CHN2: variants seen among roughly 807,000 people sequenced by gnomAD.
CHN2 encodes chimerin 2, also known as beta-chimaerin.
A neutral mutation model predicts 56.3 loss-of-function variants in CHN2; 35 were observed. That is an observed-to-expected ratio of 0.62 (90% CI 0.47 to 0.82). The LOEUF is 0.82. CHN2 is among the 40% of genes least tolerant of loss of function. The probability of loss-of-function intolerance (pLI) is 0.00; values close to 1 mark genes in which losing one functional copy is unlikely to be tolerated. For missense variants in CHN2, 491 were observed against 580.5 expected (o/e 0.85, Z 1.58); for synonymous variants, 210 against 212.8 (o/e 0.99, Z 0.12).
intron 6 of CHN2, among the ~76,000 whole-genome samples, chr7:29,432,400 A>G (rs894672209): frequency 1.3e-5 from 2 of 152,164 alleles, no homozygotes; most frequent in African/African-American, 4.8e-5. Context: ...ATTGTTTGCT[A>G]TTCTCTTCCT....
chr7:29,437,611 A>C, intron 6 of CHN2, among the ~76,000 whole-genome samples: 1 of 84,026 alleles, frequency 1.2e-5, no homozygotes. Flanking sequence ...AAAAAAAAAA[A>C]AAGATATCTA....
chr7:29,373,635 C>A (rs1369326171), intron 3 of CHN2, among the ~76,000 whole-genome samples: 1 of 152,150 alleles, frequency 6.6e-6, no homozygotes, highest in East Asian at 1.9e-4. Flanking sequence ...TTACTCTTTT[C>A]TATCTTTATT....
At chr7:29,252,996 C>T (rs245971) in intron 1 of CHN2, among the ~76,000 whole-genome samples, 20,248 of 152,114 alleles carry the variant, frequency 0.13, 3,211 homozygotes, top group African/African-American at 0.39. Context: ...TAAGTGGCTT[C>T]TCATGGGACA....
At chr7:29,378,693 C>T (rs1446201603) in intron 3 of CHN2, among the ~76,000 whole-genome samples, 10 of 152,194 alleles carry the variant, frequency 6.6e-5, no homozygotes, top group South Asian at 4.1e-4. Context: ...AGGCCACGCG[C>T]GGTGGCTCAT....
intron 1 of CHN2, among the ~76,000 whole-genome samples, chr7:29,227,881 C>G (rs926453542): frequency 2.0e-5 from 3 of 151,988 alleles, no homozygotes; most frequent in African/African-American, 4.8e-5. Context: ...AGTCCAAGTT[C>G]AAAAGAATTT....
At chr7:29,336,860 C>G (rs1376288334) in intron 1 of CHN2, among the ~76,000 whole-genome samples, 1 of 151,262 alleles carries the variant, frequency 6.6e-6, no homozygotes, top group Non-Finnish European at 1.5e-5. Context: ...AGCATTCCAC[C>G]TTTCTCTCCC....
chr7:29,250,708 CTTCTTTTT>C (rs1788431284), intron 1 of CHN2, among the ~76,000 whole-genome samples: 1 of 145,520 alleles, frequency 6.9e-6, no homozygotes, highest in Non-Finnish European at 1.5e-5. Flanking sequence ...ACCTGAACTT[CTTCTTTTT>C]TTTTTTTTTT....
intron 3 of CHN2, among the ~76,000 whole-genome samples, chr7:29,374,847 T>TCCTTCCTTCCTTCCTC (rs961509280): frequency 1.4e-5 from 2 of 145,442 alleles, no homozygotes; most frequent in Non-Finnish European, 3.0e-5. Flanking sequence ...CTTCCTTCCT[T>TCCTTCCTTCCTTCCTC]CCTGCCTCCC....
chr7:29,205,865 A>G (rs1434238730), intron 1 of CHN2, among the ~76,000 whole-genome samples: 5 of 152,182 alleles, frequency 3.3e-5, no homozygotes. Context: ...ATATACAAAA[A>G]AAATCAGTAA....
chr7:29,307,643 T>C (rs1018307189), intron 1 of CHN2, among the ~76,000 whole-genome samples: 24 of 152,154 alleles, frequency 1.6e-4, no homozygotes, highest in Middle Eastern at 3.2e-3. Context: ...AGAGAGTCAT[T>C]GAAGGATGCT....
At chr7:29,309,012 AGTTT>A (rs955710103) in intron 1 of CHN2, among the ~76,000 whole-genome samples, 2 of 152,172 alleles carry the variant, frequency 1.3e-5, no homozygotes, top group Non-Finnish European at 2.9e-5. Context: ...CACCAAGAAT[AGTTT>A]ATTAGTATGT....
intron 12 of CHN2, among the ~76,000 whole-genome samples, chr7:29,511,591 C>T (rs1333554053): frequency 2.0e-5 from 3 of 152,130 alleles, no homozygotes; most frequent in African/African-American, 7.2e-5. Flanking sequence ...TCTTCTTAGG[C>T]TTTGTGGCAT....
chr7:29,344,977 A>G (rs754250724), intron 1 of CHN2, among the ~76,000 whole-genome samples: 43 of 152,150 alleles, frequency 2.8e-4, no homozygotes, highest in Admixed American at 1.0e-3. Context: ...TTACTTGTCC[A>G]ACACTTTGAG....
chr7:29,374,198 T>C (rs1038367467), intron 3 of CHN2, among the ~76,000 whole-genome samples: 42 of 152,252 alleles, frequency 2.8e-4, no homozygotes, highest in African/African-American at 1.0e-3. Context: ...TTTCCCATCA[T>C]TATTCCTCCA....
intron 6 of CHN2, among the ~76,000 whole-genome samples, chr7:29,450,012 C>T (rs1784294004): frequency 6.6e-6 from 1 of 152,168 alleles, no homozygotes; most frequent in South Asian, 2.1e-4. Flanking sequence ...AAGTGGCTTC[C>T]AGGATCTTCC....
At chr7:29,284,247 C>T (rs946652647) in intron 1 of CHN2, among the ~76,000 whole-genome samples, 1 of 152,036 alleles carries the variant, frequency 6.6e-6, no homozygotes, top group Non-Finnish European at 1.5e-5. Flanking sequence ...AGGTGTGCAC[C>T]ACCATGCTTG....
chr7:29,195,819 T>G (rs1025098559), intron 1 of CHN2, among the ~76,000 whole-genome samples: 1 of 152,142 alleles, frequency 6.6e-6, no homozygotes, highest in Non-Finnish European at 1.5e-5. Context: ...AAAAAATTGC[T>G]AATGAATCTG....
chr7:29,367,908 C>A, intron 2 of CHN2, 24 bp from the exon 3 acceptor site: 2 of 1,596,296 alleles, frequency 1.3e-6, no homozygotes, highest in African/African-American at 1.3e-5. Flanking sequence ...TTATTTCTCT[C>A]TCTCTCTCTC....
chr7:29,353,479 T>A (rs1798040172), intron 1 of CHN2, among the ~76,000 whole-genome samples: 1 of 152,176 alleles, frequency 6.6e-6, no homozygotes, highest in East Asian at 1.9e-4. Context: ...CATGGCGAAA[T>A]GCCGTCTCAA....
Sources: gnomAD v4.1 joint callset for allele counts (sites outside exome capture counted in the v4.1 genomes callset) on GRCh38, gnomAD v4.1.1 for gene constraint, MANE v1.5 for transcripts, NCBI Gene and HGNC (gene_info 2026-07-23, HGNC 2026-07-21) for gene names.